Variants in TAS2R1 observed in about 807,000 individuals in gnomAD.
TAS2R1 encodes taste receptor type 2 member 1.
For synonymous variants in TAS2R1, 141 were observed against 134.2 expected (o/e 1.05, Z -0.35); for missense variants, 370 against 353.4 (o/e 1.05, Z -0.38).
chr5:9,652,409 G>A (rs188423533), intron 2 of TAS2R1, among the ~76,000 whole-genome samples: 1 of 152,214 alleles, frequency 6.6e-6, no homozygotes, highest in East Asian at 1.9e-4. Context: ...ATCAATGTGG[G>A]CTACTCCGGG....
chr5:9,871,922 G>A, the TAS2R1 span, among the ~76,000 whole-genome samples: 2 of 152,124 alleles, frequency 1.3e-5, no homozygotes, highest in Non-Finnish European at 2.9e-5. Flanking sequence ...GTACAACTCT[G>A]ATATGGACAT....
chr5:9,692,455 T>C (rs1424155388), intron 1 of TAS2R1, among the ~76,000 whole-genome samples: 1 of 152,208 alleles, frequency 6.6e-6, no homozygotes, highest in Non-Finnish European at 1.5e-5. Flanking sequence ...CCAGTGGTTG[T>C]AGATATCCTC....
the TAS2R1 span, among the ~76,000 whole-genome samples, chr5:9,878,966 G>A: frequency 6.6e-6 from 1 of 152,258 alleles, no homozygotes; most frequent in East Asian, 1.9e-4. Context: ...GTGAGTGCAG[G>A]GTGCCAGGCA....
intron 1 of TAS2R1, among the ~76,000 whole-genome samples, chr5:9,661,785 C>T (rs1740535792): frequency 6.6e-6 from 1 of 152,146 alleles, no homozygotes; most frequent in Admixed American, 6.5e-5. Flanking sequence ...GTACGTAAAT[C>T]ATATACACAG....
the TAS2R1 span, among the ~76,000 whole-genome samples, chr5:9,782,008 A>G: frequency 6.6e-6 from 1 of 152,364 alleles, no homozygotes; most frequent in South Asian, 2.1e-4. Context: ...TCTCAAGCAC[A>G]TAGAATAGCA....
At chr5:9,633,313 T>TATATATATATATATATA (rs1254101852), upstream of TAS2R1, among the ~76,000 whole-genome samples, 3 of 128,990 alleles carry the variant, frequency 2.3e-5, no homozygotes, top group African/African-American at 1.0e-4. Flanking sequence ...TATATATATA[T>TATATATATATATATATA]ATATATACAC....
chr5:9,866,872 G>C, the TAS2R1 span, among the ~76,000 whole-genome samples: 2 of 152,182 alleles, frequency 1.3e-5, no homozygotes, highest in Admixed American at 6.5e-5. Flanking sequence ...CCCCAGAAAT[G>C]CTCATTGCCT....
chr5:9,629,736 G>C lies in TAS2R1; in HGVS notation c.297C>G (p.Leu99=). Residue 99 remains leucine, a synonymous_variant, in exon 1 of 1, where the codon CTC becomes CTG. Coordinates refer to ENST00000382492, the MANE Select transcript of TAS2R1 (RefSeq NM_019599.3). ...CAACCTTGGCACAATAGAAAACGCCGAGCCATGTGGCAAGCCAAAGTTCCA... is the reference window on the plus strand; with the variant it reads ...CAACCTTGGCACAATAGAAAACGCCCAGCCATGTGGCAAGCCAAAGTTCCA... The part of the protein sequence containing the change: ...NELELWLATW[L]GVFYCAKVAS... 1 of 1,613,934 alleles carries C rather than the reference G, an allele frequency of 6.2e-7. No homozygotes were observed. Among genetic ancestry groups the C allele is most frequent in the African/African-American group, 1.3e-5 (1 of 75,020 alleles).
At chr5:9,902,361 G>A in the TAS2R1 span, among the ~76,000 whole-genome samples, 151 of 152,088 alleles carry the variant, frequency 9.9e-4, 1 homozygote, top group African/African-American at 3.5e-3. Flanking sequence ...CCCAGATCCT[G>A]GAAGCAGAAT....
chr5:9,755,393 G>T, the TAS2R1 span, among the ~76,000 whole-genome samples: 177 of 152,060 alleles, frequency 1.2e-3, no homozygotes, highest in African/African-American at 4.0e-3. Flanking sequence ...TTTGGGACCA[G>T]CCTGGGCAAC....
At chr5:9,773,512 G>A in the TAS2R1 span, among the ~76,000 whole-genome samples, 3 of 152,224 alleles carry the variant, frequency 2.0e-5, no homozygotes, top group South Asian at 6.2e-4. Flanking sequence ...TAATAGCAGT[G>A]AGTTTTGTAC....
chr5:9,757,596 A>G, the TAS2R1 span, among the ~76,000 whole-genome samples: 1 of 152,192 alleles, frequency 6.6e-6, no homozygotes, highest in East Asian at 1.9e-4. Flanking sequence ...GAATTATAAA[A>G]CTTAAAATCA....
chr5:9,748,428 A>G, the TAS2R1 span, among the ~76,000 whole-genome samples: 18 of 152,318 alleles, frequency 1.2e-4, no homozygotes, highest in Admixed American at 7.2e-4. Context: ...TACTGTAGCT[A>G]TAACAGAATT....
At chr5:9,842,316 C>CTT in the TAS2R1 span, among the ~76,000 whole-genome samples, 838 of 116,108 alleles carry the variant, frequency 7.2e-3, 5 homozygotes, top group African/African-American at 0.017. Flanking sequence ...TTCTTTCTCT[C>CTT]TTTTTTTTTT....
At chr5:9,783,511 T>C in the TAS2R1 span, among the ~76,000 whole-genome samples, 2 of 152,226 alleles carry the variant, frequency 1.3e-5, no homozygotes, top group Non-Finnish European at 2.9e-5. Context: ...CCTTTGGACC[T>C]GCTGGGACGT....
the TAS2R1 span, among the ~76,000 whole-genome samples, chr5:9,801,007 C>T: frequency 6.6e-6 from 1 of 152,146 alleles, no homozygotes; most frequent in African/African-American, 2.4e-5. Flanking sequence ...GCCTTGTAAA[C>T]ATGGTGAAAC....
chr5:9,848,980 C>A, the TAS2R1 span, among the ~76,000 whole-genome samples: 1 of 152,188 alleles, frequency 6.6e-6, no homozygotes, highest in East Asian at 1.9e-4. Context: ...ATCCCCTTGA[C>A]ACTTCCATGA....
the TAS2R1 span, among the ~76,000 whole-genome samples, chr5:9,899,124 T>C: frequency 6.6e-6 from 1 of 152,152 alleles, no homozygotes; most frequent in Non-Finnish European, 1.5e-5. Flanking sequence ...ACACCATCTA[T>C]ACTAAAATAT....
chr5:9,720,016 C>T, the TAS2R1 span, among the ~76,000 whole-genome samples: 1 of 147,748 alleles, frequency 6.8e-6, no homozygotes, highest in Non-Finnish European at 1.5e-5. Flanking sequence ...GCTTTCCTTT[C>T]TTTCTTTTTC....
Sources: gnomAD v4.1 joint callset for allele counts (sites outside exome capture counted in the v4.1 genomes callset) on GRCh38, gnomAD v4.1.1 for gene constraint, MANE v1.5 for transcripts, NCBI Gene and HGNC (gene_info 2026-07-23, HGNC 2026-07-21) for gene names.